PLXDC2: variants seen among roughly 807,000 people sequenced by gnomAD.
The protein encoded by PLXDC2 is plexin domain-containing protein 2.
In PLXDC2, 40 loss-of-function variants were observed where a neutral mutation model predicts 68.9. The ratio of observed to expected loss-of-function variants is 0.58; its 90% CI spans 0.45 to 0.76. The LOEUF is 0.76. PLXDC2 is among the 30% of genes least tolerant of loss of function. The pLI is 0.00. For synonymous variants in PLXDC2, 243 were observed against 234.2 expected (o/e 1.04, Z -0.34); for missense variants, 644 against 661.9 (o/e 0.97, Z 0.30).
At chr10:19,984,271 G>C (rs933615012) in intron 1 of PLXDC2, among the ~76,000 whole-genome samples, 6 of 152,132 alleles carry the variant, frequency 3.9e-5, no homozygotes, top group African/African-American at 1.4e-4. Context: ...GAAAGCAAGG[G>C]GGGAAGAGGC....
rs927939790 is a variant in PLXDC2 at position 19,982,831 on chromosome 10, C to T, written c.113-18944C>T. On this transcript the variant is annotated intron_variant, in intron 1 of 13. Transcript: ENST00000377252. Reference sequence around the variant, plus strand: ...CCTTCATTCTTCACAGGTGGTCATTCGTATTACTGAGGGGACATTGAATCA... The same window carrying T: ...CCTTCATTCTTCACAGGTGGTCATTTGTATTACTGAGGGGACATTGAATCA... 4.6e-5 allele frequency among the ~76,000 whole-genome samples: 7 copies of T among 151,982 alleles called. 1 individual carries two copies. In the South Asian group the frequency reaches 8.3e-4, roughly 18 times the overall value.
At chr10:20,132,005 C>G (rs898035454) in intron 4 of PLXDC2, among the ~76,000 whole-genome samples, 1 of 152,114 alleles carries the variant, frequency 6.6e-6, no homozygotes, top group African/African-American at 2.4e-5. Context: ...CCCCTTAGGG[C>G]TGCTGTTGCT....
chr10:19,817,325 T>G (rs1836371554), intron 1 of PLXDC2, 134 bp downstream of exon 1: 1 of 745,852 alleles, frequency 1.3e-6, no homozygotes, highest in Non-Finnish European at 2.2e-6. Flanking sequence ...GCTTTTCGGC[T>G]AAACTTAGGC....
intron 1 of PLXDC2, among the ~76,000 whole-genome samples, chr10:19,896,616 A>AT (rs1194197493): frequency 2.6e-5 from 4 of 152,096 alleles, no homozygotes; most frequent in African/African-American, 7.2e-5. Flanking sequence ...TCTACCTTTG[A>AT]TTTTTTTATA....
At chr10:19,921,982 C>T (rs962535029) in intron 1 of PLXDC2, among the ~76,000 whole-genome samples, 5 of 152,094 alleles carry the variant, frequency 3.3e-5, no homozygotes, top group Admixed American at 6.5e-5. Flanking sequence ...CTCAGCCTCC[C>T]GAGTAGGTGG....
At chr10:19,959,758 A>G (rs760805276) in intron 1 of PLXDC2, among the ~76,000 whole-genome samples, 2 of 152,146 alleles carry the variant, frequency 1.3e-5, no homozygotes, top group African/African-American at 2.4e-5. Flanking sequence ...CAGGAACCCA[A>G]ATGAAACCCT....
At chr10:19,877,771 GC>G (rs1416876116) in intron 1 of PLXDC2, among the ~76,000 whole-genome samples, 2 of 152,204 alleles carry the variant, frequency 1.3e-5, no homozygotes, top group African/African-American at 2.4e-5. Flanking sequence ...ACTATTCGGG[GC>G]CTTTTTATAA....
At chr10:20,002,790 G>A (rs569019938) in intron 2 of PLXDC2, among the ~76,000 whole-genome samples, 27 of 152,094 alleles carry the variant, frequency 1.8e-4, no homozygotes, top group Non-Finnish European at 3.2e-4. Context: ...GAAGAGGGAG[G>A]GGCATGCTAG....
At chr10:19,966,800 G>C (rs551388944) in intron 1 of PLXDC2, among the ~76,000 whole-genome samples, 1 of 120,256 alleles carries the variant, frequency 8.3e-6, no homozygotes, top group East Asian at 2.8e-4. Flanking sequence ...AGAACGGTTC[G>C]CGTTACCATT....
At chr10:19,909,917 TCATCTTTAGTG>T (rs1398259116) in intron 1 of PLXDC2, among the ~76,000 whole-genome samples, 5 of 152,172 alleles carry the variant, frequency 3.3e-5, no homozygotes, top group Non-Finnish European at 7.3e-5. Context: ...CATTAGGATG[TCATCTTTAGTG>T]CTGTTCATAC....
At chr10:20,040,887 A>G (rs1252039752) in intron 2 of PLXDC2, among the ~76,000 whole-genome samples, 1 of 152,140 alleles carries the variant, frequency 6.6e-6, no homozygotes, top group East Asian at 1.9e-4. Flanking sequence ...AAAACATTAA[A>G]ATTTTGAGTT....
chr10:19,851,329 T>G (rs922072149), intron 1 of PLXDC2, among the ~76,000 whole-genome samples: 15 of 152,046 alleles, frequency 9.9e-5, no homozygotes, highest in Non-Finnish European at 1.6e-4. Flanking sequence ...ATATTTAGGG[T>G]TTTTGTTGTT....
intron 6 of PLXDC2, among the ~76,000 whole-genome samples, chr10:20,148,863 T>G (rs1293263433): frequency 2.6e-5 from 4 of 152,224 alleles, no homozygotes; most frequent in Non-Finnish European, 2.9e-5. Context: ...GGTCAAATCT[T>G]CTGAAATCCA....
At chr10:20,044,211 G>GTCTT (rs1226746835) in intron 2 of PLXDC2, among the ~76,000 whole-genome samples, 1,730 of 68,426 alleles carry the variant, frequency 0.025, 68 homozygotes, top group South Asian at 0.034. Flanking sequence ...CTCTCTCTCT[G>GTCTT]TCTTTCTTTC....
chr10:20,122,796 T>C (rs1833717718), intron 4 of PLXDC2, among the ~76,000 whole-genome samples: 1 of 152,154 alleles, frequency 6.6e-6, no homozygotes, highest in African/African-American at 2.4e-5. Flanking sequence ...AATCCTGTTG[T>C]GGGGTTTGAG....
rs146392004 is a variant in PLXDC2, at chr10:20,249,648, C to G, written c.1473+4143C>G. Among the ~76,000 whole-genome samples, 703 of 152,282 alleles carry G rather than the reference C, an allele frequency of 4.6e-3. 8 individuals are homozygous for G. Among genetic ancestry groups the G allele is most frequent in the African/African-American group, 0.014 (576 of 41,564 alleles). On this transcript the variant is annotated intron_variant, in intron 13 of 13. Coordinates refer to ENST00000377252, the MANE Select transcript of PLXDC2 (RefSeq NM_032812.9). ...TCACCTGGGTAATCTAGGATACTCTCTGCATCTCAAGGTCCTTAACTGAAC... is the reference window on the plus strand; with the variant it reads ...TCACCTGGGTAATCTAGGATACTCTGTGCATCTCAAGGTCCTTAACTGAAC...
chr10:20,148,222 C>T (rs1415599636), intron 6 of PLXDC2, among the ~76,000 whole-genome samples: 1 of 150,948 alleles, frequency 6.6e-6, no homozygotes. Context: ...AGGGATTTCT[C>T]ATCTAAATGT....
intron 1 of PLXDC2, among the ~76,000 whole-genome samples, chr10:19,837,938 A>G (rs1489888599): frequency 1.3e-5 from 2 of 152,264 alleles, no homozygotes; most frequent in African/African-American, 4.8e-5. Flanking sequence ...TCTGTCCATT[A>G]CTTGCATTTT....
intron 12 of PLXDC2, among the ~76,000 whole-genome samples, chr10:20,226,347 G>T (rs1835286839): frequency 6.6e-6 from 1 of 152,266 alleles, no homozygotes; most frequent in South Asian, 2.1e-4. Context: ...TTTTATGTGT[G>T]GTCCAACACA....
Sources: allele counts gnomAD v4.1 joint callset (sites outside exome capture counted in the v4.1 genomes callset), GRCh38; gene constraint gnomAD v4.1.1; transcripts MANE v1.5; gene names NCBI Gene and HGNC (gene_info 2026-07-23, HGNC 2026-07-21).